Variants in OPCML observed in about 807,000 individuals in gnomAD.
OPCML encodes opioid-binding protein/cell adhesion molecule.
OPCML carries 13 observed loss-of-function variants against 37.8 expected under a neutral mutation model. That is an observed-to-expected ratio of 0.34 (90% confidence interval 0.22 to 0.55). OPCML has a LOEUF of 0.55. Ranked by LOEUF, OPCML falls within the 20% of genes least tolerant of loss-of-function variation. The probability of loss-of-function intolerance (pLI) is 0.91; values close to 1 mark genes in which losing one functional copy is unlikely to be tolerated. For synonymous variants in OPCML, 176 were observed against 168.8 expected (o/e 1.04, Z -0.33); for missense variants, 341 against 435.6 (o/e 0.78, Z 1.93).
intron 1 of OPCML, among the ~76,000 whole-genome samples, chr11:133,442,807 C>A (rs1312672891): frequency 6.8e-6 from 1 of 148,114 alleles, no homozygotes; most frequent in Non-Finnish European, 1.5e-5. Flanking sequence ...AAGAAAAAAG[C>A]TTATGAGTTT....
chr11:132,944,642 A>G (rs1945703515), intron 1 of OPCML, among the ~76,000 whole-genome samples: 2 of 152,298 alleles, frequency 1.3e-5, no homozygotes, highest in South Asian at 4.1e-4. Flanking sequence ...TGATCCTCCT[A>G]AAACCCCTCA....
intron 2 of OPCML, among the ~76,000 whole-genome samples, chr11:132,852,476 G>C (rs1489153768): frequency 6.6e-6 from 1 of 151,966 alleles, no homozygotes; most frequent in Non-Finnish European, 1.5e-5. Context: ...CTTTTTCATT[G>C]TGTTAATATG....
chr11:133,368,316 AG>A lies in OPCML; in HGVS notation c.61+163947del, dbSNP rs573608124. ...GGAGGGAAGGCAGATGAAGAGAAAG[AG>A]GTGAGGGAGAGGGAGAGGGAGTATT... On this transcript the variant is annotated intron_variant, in intron 1 of 7. Transcript: ENST00000524381. Among the ~76,000 whole-genome samples the A allele has an allele frequency of 3.2e-3, 484 of 151,422 alleles. 2 individuals carry two copies. Among genetic ancestry groups the A allele is most frequent in the African/African-American group, 0.01 (423 of 41,268 alleles).
rs565658937 is a variant in OPCML, at chr11:133,169,317, T to C, written c.62-226307A>G. On this transcript the variant is annotated intron_variant, in intron 1 of 7. Coordinates refer to ENST00000524381, the MANE Select transcript of OPCML (RefSeq NM_001012393.5). ...TAATTTCTTAACTATTTTGTCATAT[T>C]AGCTCACAAAAACCACATGAGAAGG... Among the ~76,000 whole-genome samples, 508 of 152,256 alleles carry C rather than the reference T, an allele frequency of 3.3e-3. 5 individuals are homozygous for C. The highest frequency in any genetic ancestry group is 0.012 in the African/African-American group (498 of 41,548).
chr11:132,432,454 C>T lies in OPCML; in HGVS notation c.916+3632G>A, dbSNP rs137959732. On this transcript the variant is annotated intron_variant, in intron 7 of 7. Transcript: ENST00000524381. ...TGTAGGGACCACAGAAACCAAACAT[C>T]TTATCCAAAATGCCTTCACTGATTA... 1.2e-3 allele frequency among the ~76,000 whole-genome samples: 186 copies of T among 152,286 alleles called. 1 individual carries two copies. Among genetic ancestry groups the T allele is most frequent in the African/African-American group, 4.1e-3 (171 of 41,564 alleles).
chr11:133,064,549 G>A (rs919996199), intron 1 of OPCML: 1 of 152,348 alleles, frequency 6.6e-6, no homozygotes, highest in Non-Finnish European at 1.5e-5. Context: ...CACCTTGTGT[G>A]CTTGCCCTTT....
chr11:133,051,469 A>G (rs1243385584), intron 1 of OPCML, among the ~76,000 whole-genome samples: 1 of 152,038 alleles, frequency 6.6e-6, no homozygotes, highest in Admixed American at 6.6e-5. Flanking sequence ...GGTACTCACT[A>G]CACTATGCTT....
intron 2 of OPCML, among the ~76,000 whole-genome samples, chr11:132,730,922 A>C (rs1182102977): frequency 6.6e-6 from 1 of 152,250 alleles, no homozygotes; most frequent in Non-Finnish European, 1.5e-5. Context: ...TGGAAGGATC[A>C]GCTCAGGATA....
At chr11:133,117,174 T>G (rs1281355673) in intron 1 of OPCML, among the ~76,000 whole-genome samples, 14 of 152,200 alleles carry the variant, frequency 9.2e-5, no homozygotes, top group Non-Finnish European at 2.1e-4. Context: ...TTGGCTCCTG[T>G]GTCATTTCAA....
intron 1 of OPCML, among the ~76,000 whole-genome samples, chr11:133,287,275 C>CTTTTTTTTTT (rs760838065): frequency 8.3e-6 from 1 of 120,984 alleles, no homozygotes; most frequent in Non-Finnish European, 1.8e-5. Flanking sequence ...TTCTTTCTTT[C>CTTTTTTTTTT]TTTTTTTTTT....
chr11:133,400,117 A>C (rs913954359), intron 1 of OPCML, among the ~76,000 whole-genome samples: 1 of 152,144 alleles, frequency 6.6e-6, no homozygotes, highest in East Asian at 1.9e-4. Context: ...CCTGCCCATT[A>C]CTGCTTCAGC....
rs1950317340 is a variant in OPCML at position 133,173,588 on chromosome 11, A to G, written c.62-230578T>C. Among the ~76,000 whole-genome samples, 2 of 151,984 alleles carry G rather than the reference A, an allele frequency of 1.3e-5. No homozygotes were observed. Among genetic ancestry groups the G allele is most frequent in the Admixed American group, 6.6e-5 (1 of 15,260 alleles). The stretch of plus-strand genomic sequence containing the variant: ...AAGCCACCAGCATTCAAATCACATC[A>G]CCTTTCAAATCACCCCCCAGATGCC... On this transcript the variant is annotated intron_variant, in intron 1 of 7. Coordinates refer to ENST00000524381, the MANE Select transcript of OPCML (RefSeq NM_001012393.5). This position sits in a 1 kb window ranked among gnomAD's most constrained non-coding sequence, Gnocchi z 7.8.
At chr11:132,600,580 A>C (rs1280411900) in intron 3 of OPCML, among the ~76,000 whole-genome samples, 1 of 152,224 alleles carries the variant, frequency 6.6e-6, no homozygotes, top group Non-Finnish European at 1.5e-5. Context: ...ACTCCTTTGT[A>C]CACCGACTGA....
chr11:133,413,484 A>T (rs10894681), intron 1 of OPCML, among the ~76,000 whole-genome samples: 86,608 of 149,716 alleles, frequency 0.58, 28,985 homozygotes, highest in Middle Eastern at 0.76. Context: ...ATAATAATAA[A>T]AAATAAATAA....
At chr11:133,530,719 T>C (rs1425808213) in intron 1 of OPCML, among the ~76,000 whole-genome samples, 1 of 152,172 alleles carries the variant, frequency 6.6e-6, no homozygotes, top group Non-Finnish European at 1.5e-5. Flanking sequence ...AACAAACAGC[T>C]GGGAACATGG....
intron 1 of OPCML, among the ~76,000 whole-genome samples, chr11:133,334,788 G>A (rs891899330): frequency 2.6e-5 from 4 of 152,170 alleles, no homozygotes; most frequent in Non-Finnish European, 5.9e-5. Flanking sequence ...ATGGACTTTG[G>A]TGAGGATTAA....
chr11:132,621,380 G>A (rs143502835), intron 3 of OPCML, among the ~76,000 whole-genome samples: 2 of 152,186 alleles, frequency 1.3e-5, no homozygotes, highest in African/African-American at 4.8e-5. Flanking sequence ...ATTCAAAATG[G>A]CTAAAAGATA....
intron 2 of OPCML, among the ~76,000 whole-genome samples, chr11:132,882,149 A>T (rs1943246135): frequency 6.6e-6 from 1 of 152,174 alleles, no homozygotes; most frequent in African/African-American, 2.4e-5. Context: ...AAAAGAAACA[A>T]CCAATGATAT....
intron 1 of OPCML, among the ~76,000 whole-genome samples, chr11:133,068,978 T>C (rs1948481668): frequency 6.6e-6 from 1 of 152,004 alleles, no homozygotes; most frequent in Admixed American, 6.6e-5. Context: ...CAGGAGAGAG[T>C]TACTTACATT....
Sources: gnomAD v4.1 joint callset for allele counts (sites outside exome capture counted in the v4.1 genomes callset) on GRCh38, gnomAD v4.1.1 for gene constraint, Gnocchi (gnomAD v3.1) non-coding constraint, MANE v1.5 for transcripts, NCBI Gene and HGNC (gene_info 2026-07-23, HGNC 2026-07-21) for gene names.